PDZD7: variants seen among roughly 807,000 people sequenced by gnomAD.
PDZD7 encodes PDZ domain containing 7, also known as PDZ domain-containing protein 7.
Under a neutral mutation model 84.7 loss-of-function variants are expected in PDZD7, and 72 were observed. That is an observed-to-expected ratio of 0.85 (90% CI 0.70 to 1.03). The LOEUF (loss-of-function observed/expected upper bound fraction) is 1.03, where lower values mean the gene tolerates loss of function less well. Among genes scored for constraint, PDZD7 ranks in the 50% least tolerant of loss-of-function variants. PDZD7 has a pLI of 0.00. For missense variants in PDZD7, 1,490 were observed against 1,412.9 expected, an observed-to-expected ratio of 1.05 and a Z score of -0.87; for synonymous variants, 594 against 580.7, an observed-to-expected ratio of 1.02 and a Z score of -0.33.
At chr10:101,011,392 T>C (rs1852390215) in intron 14 of PDZD7, 1 of 645,532 alleles carries the variant, frequency 1.5e-6, no homozygotes, top group African/African-American at 1.9e-5. Flanking sequence ...TCTATTTTAA[T>C]GTGTCTAAGA....
At chr10:101,012,461 A>G (rs1354725331) in intron 11 of PDZD7, among the ~76,000 whole-genome samples, 1 of 152,210 alleles carries the variant, frequency 6.6e-6, no homozygotes, top group Non-Finnish European at 1.5e-5. Context: ...GTAATAACAG[A>G]CCTGCAATAA....
chr10:101,028,809 C>T (rs867943025), intron 2 of PDZD7, among the ~76,000 whole-genome samples: 3 of 152,200 alleles, frequency 2.0e-5, no homozygotes, highest in African/African-American at 7.2e-5. Context: ...GCTCCCTCAC[C>T]AGAATGACCG....
chr10:101,010,266 A>T lies in PDZD7; in HGVS notation c.2617+6T>A. The T allele has an allele frequency of 6.6e-7, 1 of 1,511,906 alleles. No homozygotes were observed. The highest frequency in any genetic ancestry group is 8.9e-7 in the Non-Finnish European group (1 of 1,127,166). 93.7% of individuals were successfully genotyped at this position (1,511,906 alleles called of 1,614,324 possible). On this transcript the variant is annotated splice_donor_region_variant and intron_variant, in intron 15 of 16. Transcript: ENST00000619208. ...CTCTGCCGGGCCCAGTCCCACGTGGACTCACCTAAGGACTGCTTCATCTTG... is the reference window on the plus strand; with the variant it reads ...CTCTGCCGGGCCCAGTCCCACGTGGTCTCACCTAAGGACTGCTTCATCTTG...
At position 101,008,599 on chromosome 10, in the gene PDZD7, G is replaced by A; in HGVS notation, c.2970C>T (p.Leu990=). The A allele has an allele frequency of 6.5e-7, 1 of 1,536,092 alleles. No homozygotes were observed. Among genetic ancestry groups the A allele is most frequent in the South Asian group, 1.2e-5 (1 of 84,048 alleles). The change falls in exon 17 of 17, where the codon CTC becomes CTT. Residue 990 remains leucine, a synonymous_variant. Coordinates refer to ENST00000619208, the MANE Select transcript of PDZD7 (RefSeq NM_001195263.2). Reference sequence around the variant, plus strand: ...TCTGGGGATTGGTGGGAGGTTCTGGGAGCCAGTGGGCAGGAACTGGAGCAG... The same window carrying A: ...TCTGGGGATTGGTGGGAGGTTCTGGAAGCCAGTGGGCAGGAACTGGAGCAG... ...LDAAPVPAHW[L]PEPPTNPQTP...
intron 9 of PDZD7, 52 bp downstream of exon 9, chr10:101,018,047 C>A: frequency 1.2e-6 from 2 of 1,611,198 alleles, no homozygotes; most frequent in Non-Finnish European, 1.7e-6. Context: ...TGCTGAATGC[C>A]GAAGCTAGTG....
chr10:101,022,299 A>G lies in PDZD7; in HGVS notation c.629T>C (p.Ile210Thr). The change falls in exon 5 of 17, where the codon ATC (isoleucine) becomes ACC (threonine). Residue 210 changes from isoleucine (I) to threonine (T), a missense_variant. Physicochemically the swap from Ile to Thr is moderately conservative, Grantham distance 89. Transcript: ENST00000619208. ...DTSSEDGVRR[I>T]VHLYTTSDDF... ...GTCGGAGGTTGTGTATAGGTGGACGATGCGCCGGACACCATCTTCTGAGCT... is the reference window on the plus strand; with the variant it reads ...GTCGGAGGTTGTGTATAGGTGGACGGTGCGCCGGACACCATCTTCTGAGCT... 1.2e-6 allele frequency: 2 copies of G among 1,614,196 alleles called. No individual in the cohort carries two copies. The highest frequency in any genetic ancestry group is 1.7e-6 in the Non-Finnish European group (2 of 1,180,038).
rs1234011879 is a variant in PDZD7, at chr10:101,015,769, C to T, written c.1616G>A (p.Ser539Asn). 7 of 1,549,696 alleles carry T rather than the reference C, an allele frequency of 4.5e-6. No homozygotes were observed. The African/African-American group carries it at 8.2e-5, about 18-fold the overall frequency. ...GRALLSARSG[S>N]PSSQLPNVDE... The stretch of plus-strand genomic sequence containing the variant: ...CACATTAGGCAGCTGGCTGGAGGGA[C>T]TCCCAGACCTGGCAGACAGCAGGGC... The change falls in exon 11 of 17, where the codon AGT becomes AAT. Residue 539 changes from serine (S) to asparagine (N), a missense_variant. By Grantham distance (46) the Ser-to-Asn change is conservative. Coordinates refer to ENST00000619208, the MANE Select transcript of PDZD7 (RefSeq NM_001195263.2).
chr10:101,025,248 C>T (rs539273207), intron 2 of PDZD7, among the ~76,000 whole-genome samples: 12 of 152,096 alleles, frequency 7.9e-5, no homozygotes, highest in African/African-American at 2.7e-4. Flanking sequence ...CTTGCTCTGT[C>T]GCTGAGGCTA....
Position 101,021,168 on chromosome 10 carries a change from G to A in PDZD7, c.868-490C>T, listed in dbSNP as rs572129930. The stretch of plus-strand genomic sequence containing the variant: ...AGGAAGGAAAAGGAAAAATGGGATG[G>A]GGGAGAGGTAGAAATTGGCGGGGGA... On this transcript the variant is annotated intron_variant, in intron 6 of 16. Transcript: ENST00000619208. 3.3e-5 allele frequency among the ~76,000 whole-genome samples: 5 copies of A among 152,220 alleles called. No individual in the cohort carries two copies. In the South Asian group the frequency reaches 1.0e-3, roughly 32 times the overall value.
chr10:101,026,024 A>G (rs1324081296), intron 2 of PDZD7, among the ~76,000 whole-genome samples: 2 of 152,186 alleles, frequency 1.3e-5, no homozygotes, highest in Admixed American at 6.5e-5. Flanking sequence ...AAGGGAAAGA[A>G]ACCCCAGACC....
At chr10:101,013,881 G>A (rs1282099880) in intron 11 of PDZD7, among the ~76,000 whole-genome samples, 1 of 137,848 alleles carries the variant, frequency 7.3e-6, no homozygotes, top group African/African-American at 2.8e-5. Flanking sequence ...ATGGATTTTC[G>A]CTCTTGTTCT....
chr10:101,030,034 C>A lies in PDZD7; in HGVS notation c.186G>T (p.Ser62=), dbSNP rs1470737254. The A allele has an allele frequency of 1.9e-6, 3 of 1,607,970 alleles. No homozygotes were observed. The highest frequency in any genetic ancestry group is 8.5e-7 in the Non-Finnish European group (1 of 1,177,400). The change falls in exon 2 of 17, where the codon TCG becomes TCT. Residue 62 remains serine, a synonymous_variant. Coordinates refer to ENST00000619208, the MANE Select transcript of PDZD7 (RefSeq NM_001195263.2). ...TGATGAGGATGACGCGTCCCATGGG[C>A]GATGAGGCTCGGATTCCGCGGGGGG... is the stretch of plus-strand genomic sequence containing the variant. The part of the protein sequence containing the change: ...NGPPRGIRAS[S]PMGRVILINS...
chr10:101,012,966 T>C (rs534677799), intron 11 of PDZD7, among the ~76,000 whole-genome samples: 1 of 152,328 alleles, frequency 6.6e-6, no homozygotes, highest in South Asian at 2.1e-4. Context: ...ACCTGAACAC[T>C]GGGAGCCATC....
intron 8 of PDZD7, 75 bp from the exon 9 acceptor site, chr10:101,018,371 A>G (rs1852836549): frequency 6.6e-7 from 1 of 1,507,926 alleles, no homozygotes; most frequent in Admixed American, 1.7e-5. Context: ...GGGTGTGGGG[A>G]GGGACAGAGA....
intron 3 of PDZD7, 35 bp from the exon 4 acceptor site, chr10:101,023,645 C>T: frequency 1.9e-6 from 3 of 1,606,206 alleles, no homozygotes; most frequent in Non-Finnish European, 1.7e-6. Context: ...GGCATGGGTC[C>T]CCAGGGTGGG....
chr10:101,008,568 G>A lies in PDZD7; in HGVS notation c.3001C>T (p.Pro1001Ser). 1 of 1,536,044 alleles carries A rather than the reference G, an allele frequency of 6.5e-7. No homozygotes were observed. Among genetic ancestry groups the A allele is most frequent in the Non-Finnish European group, 8.7e-7 (1 of 1,146,884 alleles). The change falls in exon 17 of 17, where the codon CCC becomes TCC. Residue 1001 changes from proline (P) to serine (S), a missense_variant. Coordinates refer to ENST00000619208, the MANE Select transcript of PDZD7 (RefSeq NM_001195263.2). ...PEPPTNPQTP[P>S]TDARLLQPTP... ...GGCTGGAGGAGCCTGGCATCAGTGG[G>A]AGGAGTCTGGGGATTGGTGGGAGGT...
At chr10:101,022,669 C>T (rs1032821583) in intron 4 of PDZD7, among the ~76,000 whole-genome samples, 1 of 151,382 alleles carries the variant, frequency 6.6e-6, no homozygotes, top group Non-Finnish European at 1.5e-5. Flanking sequence ...GATCATGGCT[C>T]ACTGCAGCCT....
In PDZD7 at chr10:101,010,589, C is replaced by G; in HGVS notation, c.2300G>C (p.Arg767Pro). 1 of 1,512,712 alleles carries G rather than the reference C, an allele frequency of 6.6e-7. No homozygotes were observed. The highest frequency in any genetic ancestry group is 8.8e-7 in the Non-Finnish European group (1 of 1,132,176). The allele number at this position is 1,512,712 out of a possible 1,614,324, so 93.7% of individuals were successfully genotyped here. A position where few individuals can be genotyped will look rare whatever the true frequency, so the allele number is the denominator to read the frequency against. The change falls in exon 15 of 17, where the codon CGG becomes CCG. Residue 767 changes from arginine to proline, a missense_variant. Coordinates refer to ENST00000619208, the MANE Select transcript of PDZD7 (RefSeq NM_001195263.2). ...GCGGCTACGGCTCTGAGCCCGGCCC[C>G]GGATCTGGCTCTGCGGAGGGTGCTC... ...SREHPPQSQI[R>P]GRAQSRSRSR...
Position 101,022,206 on chromosome 10 carries a change from C to T in PDZD7, c.719+3G>A. 1 of 1,614,240 alleles carries T rather than the reference C, an allele frequency of 6.2e-7. No individual in the cohort carries two copies. The highest frequency in any genetic ancestry group is 8.5e-7 in the Non-Finnish European group (1 of 1,180,038). ...CGAAGACACTTCCTGCCTCAGCCCTCACTTGGACACATAGATGCCCAGGCC... is the reference window on the plus strand; with the variant it reads ...CGAAGACACTTCCTGCCTCAGCCCTTACTTGGACACATAGATGCCCAGGCC... On this transcript the variant is annotated splice_donor_region_variant and intron_variant, in intron 5 of 16. Coordinates refer to ENST00000619208, the MANE Select transcript of PDZD7 (RefSeq NM_001195263.2).
Sources: allele counts gnomAD v4.1 joint callset (sites outside exome capture counted in the v4.1 genomes callset), GRCh38; gene constraint gnomAD v4.1.1; transcripts MANE v1.5; gene names NCBI Gene and HGNC (gene_info 2026-07-23, HGNC 2026-07-21).